The following DNAJC11 variants were observed in gnomAD, a reference collection of about 807,000 sequenced individuals.
DNAJC11 encodes dnaJ homolog subfamily C member 11.
Under a neutral mutation model 78.6 loss-of-function variants are expected in DNAJC11, and 15 were observed. The ratio of observed to expected loss-of-function variants is 0.19; its 90% CI spans 0.13 to 0.29. DNAJC11 has a LOEUF of 0.29. Among genes scored for constraint, DNAJC11 ranks in the 10% least tolerant of loss-of-function variants. The probability of loss-of-function intolerance (pLI) is 1.00; values close to 1 mark genes in which losing one functional copy is unlikely to be tolerated. For synonymous variants in DNAJC11, 292 were observed against 272.1 expected, an observed-to-expected ratio of 1.07 and a Z score of -0.72; for missense variants, 547 against 709.6, an observed-to-expected ratio of 0.77 and a Z score of 2.60.
At chr1:6,668,437 C>T (rs1642325601) in intron 3 of DNAJC11, among the ~76,000 whole-genome samples, 1 of 152,158 alleles carries the variant, frequency 6.6e-6, no homozygotes, top group African/African-American at 2.4e-5. Context: ...CTGCGCCGGC[C>T]TACCTTAAAT....
intron 3 of DNAJC11, among the ~76,000 whole-genome samples, chr1:6,677,062 T>C (rs1328277777): frequency 6.7e-6 from 1 of 148,282 alleles, no homozygotes; most frequent in African/African-American, 2.5e-5. Context: ...TAATCCCAGC[T>C]ACTCAGGAAG....
intron 1 of DNAJC11, among the ~76,000 whole-genome samples, chr1:6,685,184 T>C (rs1416468820): frequency 1.3e-5 from 2 of 152,210 alleles, no homozygotes; most frequent in Non-Finnish European, 2.9e-5. Flanking sequence ...CTAAAACATG[T>C]CTGGATAATA....
intron 3 of DNAJC11, among the ~76,000 whole-genome samples, chr1:6,669,178 C>G (rs1300143614): frequency 1.4e-5 from 2 of 147,802 alleles, no homozygotes; most frequent in Non-Finnish European, 3.0e-5. Flanking sequence ...CAGAGCAAGA[C>G]TCTCTCTTAA....
chr1:6,683,459 A>G (rs1383847657), intron 1 of DNAJC11, among the ~76,000 whole-genome samples: 4 of 152,190 alleles, frequency 2.6e-5, no homozygotes, highest in African/African-American at 9.7e-5. Context: ...TGCCCAACAC[A>G]CAGCAAAAAC....
intron 4 of DNAJC11, among the ~76,000 whole-genome samples, chr1:6,656,686 C>G (rs760345218): frequency 2.7e-5 from 4 of 148,070 alleles, no homozygotes; most frequent in Non-Finnish European, 5.9e-5. Flanking sequence ...CGAGACCAGC[C>G]TAGGCAACAT....
intron 1 of DNAJC11, among the ~76,000 whole-genome samples, chr1:6,683,791 C>A (rs993398207): frequency 2.6e-5 from 4 of 152,180 alleles, no homozygotes; most frequent in African/African-American, 7.2e-5. Flanking sequence ...CAGGAGATGA[C>A]CACTTTTCTG....
rs139203913 is a variant in DNAJC11 at position 6,677,442 on chromosome 1, G to A, written c.276+952C>T. ...TGAATAGCTGGGAATACAGGTGTGC[G>A]CCACCAAGCCCGACTAATTTTTAAA... is the stretch of plus-strand genomic sequence containing the variant. On this transcript the variant is annotated intron_variant, in intron 3 of 15. Transcript: ENST00000377577. Among the ~76,000 whole-genome samples the A allele has an allele frequency of 4.2e-3, 645 of 151,944 alleles. 3 individuals carry two copies. Among genetic ancestry groups the A allele is most frequent in the South Asian group, 0.025 (120 of 4,816 alleles).
chr1:6,644,610 A>G lies in DNAJC11; in HGVS notation c.1045T>C (p.Leu349=). The G allele has an allele frequency of 6.2e-7, 1 of 1,614,204 alleles. No individual in the cohort carries two copies. Among genetic ancestry groups the G allele is most frequent in the Non-Finnish European group, 8.5e-7 (1 of 1,180,042 alleles). Residue 349 remains leucine, a synonymous_variant, in exon 10 of 16, where the codon TTG becomes CTG. Transcript: ENST00000377577. ...AERKISRHSV[L]GAAVSVGVPQ... is the part of the protein sequence containing the mutation. The stretch of plus-strand genomic sequence containing the variant: ...ACTCCAACGCTGACAGCTGCACCCA[A>G]AACGCTGTGCCTGGAGATCTTCCTC...
At chr1:6,649,165 TCTTGTGTCTGGA>T (rs1486333525) in intron 7 of DNAJC11, among the ~76,000 whole-genome samples, 1 of 151,218 alleles carries the variant, frequency 6.6e-6, no homozygotes, top group Non-Finnish European at 1.5e-5. Context: ...CTTTTCCTCT[TCTTGTGTCTGGA>T]AGCACTGCTT....
In DNAJC11 at chr1:6,653,083, TGCA is replaced by T. The variant is rs1642079803; in HGVS notation, c.508-135_508-133del. Reference sequence around the variant, plus strand: ...TCCTCTGTTCAGAAGCACACATGGATGCAGAACTGCCGCAACAGCTTCACTTTT... The same window carrying T: ...TCCTCTGTTCAGAAGCACACATGGATGAACTGCCGCAACAGCTTCACTTTT... On this transcript the variant is annotated intron_variant, in intron 5 of 15. Transcript: ENST00000377577. This position sits in a 1 kb window ranked among gnomAD's most constrained non-coding sequence, Gnocchi z 4.5. The T allele has an allele frequency of 2.9e-6, 3 of 1,031,574 alleles. No individual in the cohort carries two copies. The highest frequency in any genetic ancestry group is 1.6e-5 in the African/African-American group (1 of 62,408). The allele number at this position is 1,031,574 out of a possible 1,614,324, so 63.9% of individuals were successfully genotyped here. A position where few individuals can be genotyped will look rare whatever the true frequency, so the allele number is the denominator to read the frequency against.
intron 1 of DNAJC11, among the ~76,000 whole-genome samples, chr1:6,700,260 G>A (rs1466545886): frequency 6.6e-6 from 1 of 152,030 alleles, no homozygotes; most frequent in Non-Finnish European, 1.5e-5. Flanking sequence ...TAACTCCACC[G>A]CCTATCCCAA....
intron 10 of DNAJC11, among the ~76,000 whole-genome samples, chr1:6,644,290 C>T (rs567141014): frequency 2.0e-5 from 3 of 152,250 alleles, no homozygotes; most frequent in East Asian, 1.9e-4. Flanking sequence ...TGTGCCACCA[C>T]GTCTGGCTAA....
chr1:6,634,453 G>A lies in DNAJC11; in HGVS notation c.*1222C>T, dbSNP rs1043703. ...TACTCAGATACCAGTGCTGGGGAGGGAGGCCTGACTTCAGCAACAGCTGTG... is the reference window on the plus strand; with the variant it reads ...TACTCAGATACCAGTGCTGGGGAGGAAGGCCTGACTTCAGCAACAGCTGTG... On this transcript the variant is annotated 3_prime_UTR_variant, in exon 16 of 16. Coordinates refer to ENST00000377577, the MANE Select transcript of DNAJC11 (RefSeq NM_018198.4). 3 of 1,293,704 alleles carry A rather than the reference G, an allele frequency of 2.3e-6. No individual in the cohort carries two copies. The Admixed American group carries it at 6.9e-5, about 30-fold the overall frequency. 80.1% of individuals were successfully genotyped at this position (1,293,704 alleles called of 1,614,324 possible).
At chr1:6,637,747 C>T (rs979336884) in intron 12 of DNAJC11, 1 of 580,032 alleles carries the variant, frequency 1.7e-6, no homozygotes, top group Non-Finnish European at 3.1e-6. Flanking sequence ...CCTCCGGTGG[C>T]CACCGGTGGG....
At chr1:6,650,605 G>A (rs1359909295) in intron 7 of DNAJC11, among the ~76,000 whole-genome samples, 1 of 152,132 alleles carries the variant, frequency 6.6e-6, no homozygotes, top group Admixed American at 6.6e-5. Context: ...CAGGCGTGGT[G>A]GCTCACGCCT....
At chr1:6,695,627 TAAAAAAAAAAAA>T (rs70984004) in intron 1 of DNAJC11, among the ~76,000 whole-genome samples, 45,264 of 83,558 alleles carry the variant, frequency 0.54, 9,694 homozygotes, top group African/African-American at 0.6. Flanking sequence ...CTATCTCTAC[TAAAAAAAAAAAA>T]AAAAAAAAAA....
At chr1:6,654,127 A>G (rs1394964037) in intron 4 of DNAJC11, 88 bp from the exon 5 acceptor site, 1 of 1,519,992 alleles carries the variant, frequency 6.6e-7, no homozygotes, top group African/African-American at 1.4e-5. Flanking sequence ...GCTCGCTTTA[A>G]TTGAACAAGT....
chr1:6,657,114 C>A (rs765838359), intron 4 of DNAJC11, among the ~76,000 whole-genome samples: 1 of 152,130 alleles, frequency 6.6e-6, no homozygotes, highest in Non-Finnish European at 1.5e-5. Context: ...GATCCTGAAC[C>A]TCTCAGGTTC....
Position 6,653,739 on chromosome 1 carries a change from CG to C in DNAJC11, c.507+171del, listed in dbSNP as rs1177582042. The C allele has an allele frequency of 2.4e-6, 2 of 833,298 alleles. No homozygotes were observed. Among genetic ancestry groups the C allele is most frequent in the East Asian group, 7.2e-5 (2 of 27,862 alleles). 51.6% of individuals were successfully genotyped at this position (833,298 alleles called of 1,614,324 possible). A position where few individuals can be genotyped will look rare whatever the true frequency, so the allele number is the denominator to read the frequency against. ...CCTGCTGGCTCACATGCCAGCACAG[CG>C]GTAACACACGGCTGGGAATGAAGCG... On this transcript the variant is annotated intron_variant, in intron 5 of 15. Transcript: ENST00000377577. This position sits in a 1 kb window ranked among gnomAD's most constrained non-coding sequence, Gnocchi z 4.5.
Sources: gnomAD v4.1 joint callset for allele counts (sites outside exome capture counted in the v4.1 genomes callset) on GRCh38, gnomAD v4.1.1 for gene constraint, Gnocchi (gnomAD v3.1) non-coding constraint, MANE v1.5 for transcripts, NCBI Gene and HGNC (gene_info 2026-07-23, HGNC 2026-07-21) for gene names.